MORN5: variants seen among roughly 807,000 people sequenced by gnomAD.
MORN5 encodes MORN repeat containing 5.
In MORN5, 21 loss-of-function variants were observed where a neutral mutation model predicts 22.1. The ratio of observed to expected loss-of-function variants is 0.95; its 90% CI spans 0.67 to 1.37. The LOEUF is 1.37. Ranked by LOEUF, MORN5 falls within the 40% of genes most tolerant of loss-of-function variation. The probability of loss-of-function intolerance (pLI) is 0.00; values close to 1 mark genes in which losing one functional copy is unlikely to be tolerated. For synonymous variants in MORN5, 73 were observed against 74.0 expected (o/e 0.99, Z 0.07); for missense variants, 211 against 215.1 (o/e 0.98, Z 0.12).
At position 122,185,158 on chromosome 9, in the gene MORN5, C is replaced by A. The variant is rs1829598321; in HGVS notation, c.439+10531C>A. The stretch of plus-strand genomic sequence containing the variant: ...GCAAGCTCTGCCTCCTGGGTTCACG[C>A]CATTCTCCTGCCTCAGCCTCCCAAG... On this transcript the variant is annotated intron_variant, in intron 4 of 4. Transcript: ENST00000373764. 2.0e-5 allele frequency among the ~76,000 whole-genome samples: 3 copies of A among 152,060 alleles called. No homozygotes were observed. In the South Asian group the frequency reaches 6.2e-4, roughly 31 times the overall value.
At chr9:122,178,975 T>C (rs1473761853) in intron 4 of MORN5, among the ~76,000 whole-genome samples, 1 of 152,144 alleles carries the variant, frequency 6.6e-6, no homozygotes, top group Non-Finnish European at 1.5e-5. Flanking sequence ...CATAACAGCA[T>C]AGAGTTGCTC....
chr9:122,186,716 G>A (rs1321111976), intron 4 of MORN5, among the ~76,000 whole-genome samples: 2 of 152,126 alleles, frequency 1.3e-5, no homozygotes, highest in African/African-American at 2.4e-5. Context: ...GCAGCCTCCT[G>A]GAGGCATTCG....
At chr9:122,173,951 C>A (rs569913304) in intron 3 of MORN5, among the ~76,000 whole-genome samples, 4 of 152,340 alleles carry the variant, frequency 2.6e-5, no homozygotes, top group African/African-American at 9.6e-5. Flanking sequence ...AATAAACATT[C>A]AATGAGTGGC....
At position 122,159,925 on chromosome 9, in the gene MORN5, T is replaced by G; in HGVS notation, c.-48T>G. ...TCCAGGTTGTCATAGTGATGCCGTA[T>G]CCACTGAGACTCCGGATCCTAACAG... On this transcript the variant is annotated 5_prime_UTR_variant, in exon 1 of 5. It introduces an in-frame stop codon into an upstream open reading frame of the 5' UTR. Transcript: ENST00000373764. 3.2e-6 allele frequency: 5 copies of G among 1,586,172 alleles called. No individual in the cohort carries two copies. The South Asian group carries it at 4.4e-5, about 14-fold the overall frequency.
At chr9:122,162,280 G>T (rs1036940929) in intron 1 of MORN5, among the ~76,000 whole-genome samples, 4 of 152,110 alleles carry the variant, frequency 2.6e-5, no homozygotes, top group Non-Finnish European at 4.4e-5. Context: ...TTTTAATTTA[G>T]GGAGGGGATA....
intron 4 of MORN5, among the ~76,000 whole-genome samples, chr9:122,187,731 TC>T (rs2118777511): frequency 6.6e-6 from 1 of 152,326 alleles, no homozygotes; most frequent in African/African-American, 2.4e-5. Flanking sequence ...AATTCTGTAT[TC>T]CCTACGATGT....
intron 3 of MORN5, among the ~76,000 whole-genome samples, chr9:122,172,641 C>G (rs182165361): frequency 9.9e-4 from 150 of 152,264 alleles, no homozygotes; most frequent in African/African-American, 3.5e-3. Flanking sequence ...ATCACAGCAG[C>G]CATGACCTCC....
intron 4 of MORN5, among the ~76,000 whole-genome samples, chr9:122,185,930 C>T (rs1322809039): frequency 2.0e-5 from 3 of 152,162 alleles, no homozygotes; most frequent in Non-Finnish European, 1.5e-5. Context: ...AGCCTCCTCC[C>T]GCTGTCATCC....
At chr9:122,182,786 C>T (rs1455472183) in intron 4 of MORN5, among the ~76,000 whole-genome samples, 1 of 152,172 alleles carries the variant, frequency 6.6e-6, no homozygotes, top group Non-Finnish European at 1.5e-5. Context: ...CTCGCATGGT[C>T]TTCCCTGCCA....
At chr9:122,191,903 T>G (rs1196282693) in intron 4 of MORN5, among the ~76,000 whole-genome samples, 1 of 152,250 alleles carries the variant, frequency 6.6e-6, no homozygotes, top group Non-Finnish European at 1.5e-5. Flanking sequence ...CCAGAAGTCC[T>G]GGGAGTGTCC....
intron 4 of MORN5, among the ~76,000 whole-genome samples, chr9:122,186,602 C>T (rs1183763434): frequency 6.6e-6 from 1 of 152,134 alleles, no homozygotes; most frequent in Non-Finnish European, 1.5e-5. Context: ...GCCATCCTCT[C>T]TCCCCACCCC....
In MORN5 at chr9:122,174,372, G is replaced by A. The variant is rs554054691; in HGVS notation, c.308-124G>A. On this transcript the variant is annotated intron_variant, in intron 3 of 4. Transcript: ENST00000373764. ...GTTTGCTTCTTGCCCTGAGTAGGGG[G>A]TATTTAGTTCAACAGGGGAGCCAGA... 240 of 1,073,650 alleles carry A rather than the reference G, an allele frequency of 2.2e-4. 2 individuals carry two copies. In the South Asian group the frequency reaches 3.4e-3, roughly 15 times the overall value. The allele number at this position is 1,073,650 out of a possible 1,614,324, so 66.5% of individuals were successfully genotyped here.
At chr9:122,173,475 G>A (rs1255062007) in intron 3 of MORN5, among the ~76,000 whole-genome samples, 2 of 152,146 alleles carry the variant, frequency 1.3e-5, no homozygotes, top group East Asian at 1.9e-4. Flanking sequence ...GTTACGGTTA[G>A]GTATGTCATT....
Position 122,174,534 on chromosome 9 carries a change from A to T in MORN5, c.346A>T (p.Ile116Phe). The change falls in exon 4 of 5, where the codon ATC becomes TTC. Residue 116 changes from isoleucine (I) to phenylalanine (F), a missense_variant. Physicochemically the swap from Ile to Phe is conservative, Grantham distance 21. Coordinates refer to ENST00000373764, the MANE Select transcript of MORN5 (RefSeq NM_198469.4). Reference protein sequence around the residue: ...QLTNMDPPRKIPKGYYDCGDG... With the variant: ...QLTNMDPPRKFPKGYYDCGDG... Reference sequence around the variant, plus strand: ...CACCAATATGGACCCACCTAGAAAAATCCCCAAGGGCTATTACGATTGTGG... The same window carrying T: ...CACCAATATGGACCCACCTAGAAAATTCCCCAAGGGCTATTACGATTGTGG... 1 of 1,614,066 alleles carries T rather than the reference A, an allele frequency of 6.2e-7. No individual in the cohort carries two copies. The highest frequency in any genetic ancestry group is 1.1e-5 in the South Asian group (1 of 91,050).
chr9:122,185,316 G>A (rs1466460646), intron 4 of MORN5, among the ~76,000 whole-genome samples: 1 of 151,838 alleles, frequency 6.6e-6, no homozygotes, highest in South Asian at 2.1e-4. Context: ...TCCGCCTCCC[G>A]GGTTCACGCC....
intron 4 of MORN5, among the ~76,000 whole-genome samples, chr9:122,189,312 A>G (rs893196673): frequency 1.3e-5 from 2 of 152,316 alleles, no homozygotes; most frequent in East Asian, 1.9e-4. Context: ...AAGACTGGCT[A>G]TGTGGGCCAG....
At chr9:122,198,728 A>G (rs1417284959) in intron 4 of MORN5, among the ~76,000 whole-genome samples, 1 of 152,166 alleles carries the variant, frequency 6.6e-6, no homozygotes, top group African/African-American at 2.4e-5. Flanking sequence ...TGGTAGTGGG[A>G]GTTGCAGGCA....
intron 4 of MORN5, among the ~76,000 whole-genome samples, chr9:122,198,696 A>C (rs1024848349): frequency 1.3e-4 from 20 of 152,290 alleles, no homozygotes; most frequent in African/African-American, 4.8e-4. Context: ...GTGGCCAAGA[A>C]CGCTTGTCCC....
intron 4 of MORN5, among the ~76,000 whole-genome samples, chr9:122,198,556 A>G (rs370644763): frequency 1.3e-5 from 2 of 152,216 alleles, no homozygotes; most frequent in African/African-American, 4.8e-5. Flanking sequence ...AGGCAGGGAG[A>G]AGGCAGCGTG....
Sources: allele counts gnomAD v4.1 joint callset (sites outside exome capture counted in the v4.1 genomes callset), GRCh38; gene constraint gnomAD v4.1.1; transcripts MANE v1.5; gene names NCBI Gene and HGNC (gene_info 2026-07-23, HGNC 2026-07-21).